AFG1L: variants seen among roughly 807,000 people sequenced by gnomAD.
The protein encoded by AFG1L is AFG1 like ATPase.
A neutral mutation model predicts 62.2 loss-of-function variants in AFG1L; 53 were observed. The observed-to-expected ratio is 0.85, with a 90% CI of 0.68 to 1.07. The LOEUF (loss-of-function observed/expected upper bound fraction) is 1.07, where lower values mean the gene tolerates loss of function less well. Among genes scored for constraint, AFG1L ranks in the 50% least tolerant of loss-of-function variants. AFG1L has a pLI of 0.00. For synonymous variants in AFG1L, 228 were observed against 210.3 expected (o/e 1.08, Z -0.73); for missense variants, 555 against 590.5 (o/e 0.94, Z 0.62).
intron 6 of AFG1L, among the ~76,000 whole-genome samples, chr6:108,386,468 A>G (rs900622123): frequency 1.3e-5 from 2 of 152,124 alleles, no homozygotes; most frequent in South Asian, 2.1e-4. Context: ...TCTCAAAAAA[A>G]AAAAGAAAAG....
At chr6:108,429,475 C>G (rs961271335) in intron 7 of AFG1L, among the ~76,000 whole-genome samples, 20 of 152,210 alleles carry the variant, frequency 1.3e-4, no homozygotes, top group Non-Finnish European at 2.6e-4. Flanking sequence ...TTTCCTCCCA[C>G]CAGGTCCTTT....
At chr6:108,489,793 G>A (rs994526472) in intron 10 of AFG1L, among the ~76,000 whole-genome samples, 12 of 152,166 alleles carry the variant, frequency 7.9e-5, no homozygotes, top group Non-Finnish European at 1.6e-4. Flanking sequence ...GTAGGAGAAC[G>A]GGGCTTACAA....
At chr6:108,504,417 C>G (rs1774319877) in intron 10 of AFG1L, among the ~76,000 whole-genome samples, 1 of 152,106 alleles carries the variant, frequency 6.6e-6, no homozygotes, top group Non-Finnish European at 1.5e-5. Flanking sequence ...GGGGAACAGC[C>G]AGTGGTGGAG....
Position 108,468,063 on chromosome 6 carries a change from C to T in AFG1L, c.891-8802C>T, listed in dbSNP as rs564063131. Among the ~76,000 whole-genome samples the T allele has an allele frequency of 2.6e-5, 4 of 152,302 alleles. No homozygotes were observed. The East Asian group carries it at 7.7e-4, about 29-fold the overall frequency. ...TCCCTTCTCCCAAGTGTCAGCACCC[C>T]ACCAGAATCTGTTCACTTCTGTCCA... On this transcript the variant is annotated intron_variant, in intron 8 of 12. Coordinates refer to ENST00000368977, the MANE Select transcript of AFG1L (RefSeq NM_145315.5).
At chr6:108,339,154 C>CT (rs1167540040) in intron 2 of AFG1L, among the ~76,000 whole-genome samples, 597 of 140,162 alleles carry the variant, frequency 4.3e-3, no homozygotes, top group African/African-American at 7.6e-3. Flanking sequence ...AAAATAAACT[C>CT]TTTTTTTTTT....
intron 8 of AFG1L, among the ~76,000 whole-genome samples, chr6:108,448,506 A>G (rs1364225624): frequency 2.0e-5 from 3 of 151,784 alleles, no homozygotes; most frequent in African/African-American, 7.3e-5. Context: ...CAAAAAGTGT[A>G]TCCTCATGTG....
At chr6:108,334,429 T>C (rs983565952) in intron 2 of AFG1L, among the ~76,000 whole-genome samples, 2 of 151,994 alleles carry the variant, frequency 1.3e-5, no homozygotes, top group African/African-American at 2.4e-5. Context: ...TGGTGCGTCA[T>C]GCCTGTAATC....
chr6:108,299,942 T>G (rs2114815029), intron 1 of AFG1L, among the ~76,000 whole-genome samples: 1 of 152,320 alleles, frequency 6.6e-6, no homozygotes, highest in South Asian at 2.1e-4. Flanking sequence ...AAAATTAGCA[T>G]ATCTGAAATT....
intron 1 of AFG1L, among the ~76,000 whole-genome samples, chr6:108,302,172 C>T (rs963798471): frequency 1.3e-5 from 2 of 152,098 alleles, no homozygotes; most frequent in African/African-American, 4.8e-5. Context: ...GTCTTGAACT[C>T]TTGCAGGTGA....
At chr6:108,345,303 G>A (rs1170584862) in intron 2 of AFG1L, among the ~76,000 whole-genome samples, 2 of 151,956 alleles carry the variant, frequency 1.3e-5, no homozygotes, top group Non-Finnish European at 2.9e-5. Context: ...TATAGTTTTA[G>A]TAGCTTCTCT....
In AFG1L at chr6:108,523,798, C is replaced by T. The variant is rs926861512; in HGVS notation, c.*1373C>T. 6.6e-6 allele frequency: 1 copy of T among 151,766 alleles called. No individual in the cohort carries two copies. Among genetic ancestry groups the T allele is most frequent in the Non-Finnish European group, 1.5e-5 (1 of 67,990 alleles). The allele number at this position is 151,766 out of a possible 1,614,324, so 9.4% of individuals were successfully genotyped here. On this transcript the variant is annotated 3_prime_UTR_variant, in exon 13 of 13. Transcript: ENST00000368977. ...CAGGTAGATGGATGAGTACCCAAGC[C>T]GAGAGAAGAGTTTAAATCAAGCCTT...
chr6:108,338,527 ATCTC>A (rs1345212229), intron 2 of AFG1L, among the ~76,000 whole-genome samples: 1 of 151,882 alleles, frequency 6.6e-6, no homozygotes, highest in East Asian at 1.9e-4. Context: ...TAGAGATGAG[ATCTC>A]TCTATGTTGT....
chr6:108,297,359 G>A (rs956579320), intron 1 of AFG1L, among the ~76,000 whole-genome samples: 3 of 151,984 alleles, frequency 2.0e-5, no homozygotes, highest in African/African-American at 7.3e-5. Context: ...CCGGAGCCTC[G>A]GCCCCCCAAA....
At chr6:108,489,368 T>C (rs1773689132) in intron 10 of AFG1L, among the ~76,000 whole-genome samples, 1 of 152,120 alleles carries the variant, frequency 6.6e-6, no homozygotes, top group Non-Finnish European at 1.5e-5. Context: ...TGAACGGAGA[T>C]TTTCGCTGCT....
intron 11 of AFG1L, among the ~76,000 whole-genome samples, chr6:108,516,039 C>T (rs1482541012): frequency 6.6e-6 from 1 of 152,262 alleles, no homozygotes; most frequent in African/African-American, 2.4e-5. Flanking sequence ...AGTCCAGGAC[C>T]AGATGGATTC....
At chr6:108,519,611 A>C (rs1380773094) in intron 11 of AFG1L, 86 bp from the exon 12 acceptor site, 8 of 740,352 alleles carry the variant, frequency 1.1e-5, no homozygotes, top group Non-Finnish European at 1.9e-5. Flanking sequence ...TATGTGAAAA[A>C]CAGACTTTTA....
At chr6:108,354,880 T>C (rs780347058) in intron 3 of AFG1L, among the ~76,000 whole-genome samples, 2 of 152,192 alleles carry the variant, frequency 1.3e-5, no homozygotes. Context: ...ACTAATGCGA[T>C]TGTAGTCATT....
chr6:108,415,626 A>C (rs563627150), intron 7 of AFG1L, among the ~76,000 whole-genome samples: 3 of 152,200 alleles, frequency 2.0e-5, no homozygotes, highest in Non-Finnish European at 4.4e-5. Flanking sequence ...ACACATCTGC[A>C]ACCATCTGAT....
intron 7 of AFG1L, among the ~76,000 whole-genome samples, chr6:108,431,342 G>A (rs906768853): frequency 1.3e-5 from 2 of 152,060 alleles, no homozygotes; most frequent in African/African-American, 2.4e-5. Context: ...GACCTCAGGC[G>A]ATCCGCCTGC....
Sources: allele counts gnomAD v4.1 joint callset (sites outside exome capture counted in the v4.1 genomes callset), GRCh38; gene constraint gnomAD v4.1.1; transcripts MANE v1.5; gene names NCBI Gene and HGNC (gene_info 2026-07-23, HGNC 2026-07-21).